The following SGCZ variants were observed in gnomAD, a reference collection of about 807,000 sequenced individuals.
The protein encoded by SGCZ is zeta-sarcoglycan.
In SGCZ, 40 loss-of-function variants were observed where a neutral mutation model predicts 41.3. The observed-to-expected ratio is 0.97, with a 90% CI of 0.75 to 1.26. The LOEUF (loss-of-function observed/expected upper bound fraction) is 1.26, where lower values mean the gene tolerates loss of function less well. SGCZ is among the 50% of genes most tolerant of loss of function. The probability of loss-of-function intolerance (pLI) is 0.00; values close to 1 mark genes in which losing one functional copy is unlikely to be tolerated. For synonymous variants in SGCZ, 206 were observed against 137.5 expected, an observed-to-expected ratio of 1.50 and a Z score of -3.49; for missense variants, 552 against 369.8, an observed-to-expected ratio of 1.49 and a Z score of -4.04.
At chr8:14,296,500 G>T (rs951174984) in intron 3 of SGCZ, among the ~76,000 whole-genome samples, 3 of 152,058 alleles carry the variant, frequency 2.0e-5, no homozygotes, top group Non-Finnish European at 4.4e-5. Flanking sequence ...ACAGCTATTT[G>T]TTTCTTTAAA....
chr8:14,841,055 C>CA (rs1221758288), intron 1 of SGCZ, among the ~76,000 whole-genome samples: 1 of 151,502 alleles, frequency 6.6e-6, no homozygotes, highest in Non-Finnish European at 1.5e-5. Flanking sequence ...AGTCTTGTAG[C>CA]AATAAAATGG....
At chr8:14,432,811 G>A (rs1799980754) in intron 2 of SGCZ, among the ~76,000 whole-genome samples, 1 of 150,740 alleles carries the variant, frequency 6.6e-6, no homozygotes, top group South Asian at 2.1e-4. Flanking sequence ...CTACTTGGGA[G>A]GCTGAGGCAG....
At chr8:14,126,987 G>C (rs1263127620) in intron 5 of SGCZ, among the ~76,000 whole-genome samples, 2 of 152,046 alleles carry the variant, frequency 1.3e-5, no homozygotes, top group East Asian at 3.9e-4. Context: ...GGGGGGTCAG[G>C]GGGAGGGAGA....
At chr8:14,743,570 A>C (rs1799258305) in intron 1 of SGCZ, among the ~76,000 whole-genome samples, 2 of 152,002 alleles carry the variant, frequency 1.3e-5, no homozygotes, top group Admixed American at 6.6e-5. Flanking sequence ...AAAATACTTA[A>C]GTTTACTTCA....
intron 2 of SGCZ, among the ~76,000 whole-genome samples, chr8:14,329,171 T>C (rs1475971990): frequency 6.6e-6 from 1 of 152,234 alleles, no homozygotes; most frequent in Non-Finnish European, 1.5e-5. Flanking sequence ...AGTGTCATTT[T>C]AGAAGGGGAT....
intron 1 of SGCZ, among the ~76,000 whole-genome samples, chr8:14,585,223 G>A (rs1017278210): frequency 6.6e-6 from 1 of 152,016 alleles, no homozygotes; most frequent in Non-Finnish European, 1.5e-5. Context: ...GCATTCTTCT[G>A]GTTCTCTAGT....
intron 2 of SGCZ, among the ~76,000 whole-genome samples, chr8:14,525,185 TA>T (rs1563385983): frequency 2.4e-4 from 22 of 93,594 alleles, no homozygotes; most frequent in Admixed American, 4.3e-4. Context: ...GATAGATAGA[TA>T]GATAGATAGA....
intron 4 of SGCZ, among the ~76,000 whole-genome samples, chr8:14,184,270 G>T (rs185487088): frequency 1.3e-5 from 2 of 152,026 alleles, no homozygotes; most frequent in Admixed American, 1.3e-4. Flanking sequence ...ATATCAGCAG[G>T]AGCTAAAATA....
At chr8:14,991,564 C>T (rs562483341) in intron 1 of SGCZ, among the ~76,000 whole-genome samples, 9 of 152,126 alleles carry the variant, frequency 5.9e-5, no homozygotes, top group African/African-American at 1.2e-4. Context: ...ATTATCAAAG[C>T]ACTTATGCCC....
intron 4 of SGCZ, among the ~76,000 whole-genome samples, chr8:14,175,634 C>T (rs1804520076): frequency 6.6e-6 from 1 of 151,768 alleles, no homozygotes; most frequent in Non-Finnish European, 1.5e-5. Context: ...TTTAAAAACA[C>T]TATTAATAAA....
chr8:15,229,287 T>C (rs1801874750), intron 1 of SGCZ, among the ~76,000 whole-genome samples: 1 of 152,178 alleles, frequency 6.6e-6, no homozygotes, highest in Non-Finnish European at 1.5e-5. Context: ...TAAGAGTATC[T>C]AAAAAGGATT....
intron 1 of SGCZ, among the ~76,000 whole-genome samples, chr8:14,883,778 T>TG (rs202111203): frequency 1.3e-3 from 136 of 106,346 alleles, no homozygotes; most frequent in African/African-American, 4.8e-3. Context: ...ATCCTGTTGT[T>TG]TTTTTTTTTT....
intron 1 of SGCZ, among the ~76,000 whole-genome samples, chr8:15,198,396 A>AGGG (rs1040467898): frequency 1.3e-5 from 2 of 152,010 alleles, no homozygotes; most frequent in African/African-American, 4.8e-5. Context: ...TAAATTTCAC[A>AGGG]GGGCCTTTAG....
At chr8:14,854,370 A>G (rs1168539128) in intron 1 of SGCZ, among the ~76,000 whole-genome samples, 7 of 151,972 alleles carry the variant, frequency 4.6e-5, no homozygotes, top group East Asian at 1.9e-4. Flanking sequence ...TCAAAAATAT[A>G]TAATTTGTAG....
chr8:14,469,837 G>A (rs1801163813), intron 2 of SGCZ, among the ~76,000 whole-genome samples: 1 of 152,100 alleles, frequency 6.6e-6, no homozygotes, highest in Non-Finnish European at 1.5e-5. Context: ...AACACATGGA[G>A]GTTCCTAGAG....
intron 1 of SGCZ, among the ~76,000 whole-genome samples, chr8:15,148,195 A>C (rs1348492330): frequency 6.6e-6 from 1 of 152,188 alleles, no homozygotes; most frequent in Non-Finnish European, 1.5e-5. Flanking sequence ...AGACACATTG[A>C]TGCCTTTTTA....
chr8:14,897,197 TTTAA>T (rs1183391001), intron 1 of SGCZ, among the ~76,000 whole-genome samples: 2 of 152,196 alleles, frequency 1.3e-5, no homozygotes, highest in East Asian at 1.9e-4. Flanking sequence ...GTAAAGGTAT[TTTAA>T]TTAATCTAAT....
intron 1 of SGCZ, among the ~76,000 whole-genome samples, chr8:14,895,640 G>C (rs1805169013): frequency 6.6e-6 from 1 of 152,056 alleles, no homozygotes; most frequent in African/African-American, 2.4e-5. Context: ...TAAAAGCCAA[G>C]GGACTTGCTT....
At chr8:14,949,125 G>A (rs573737631) in intron 1 of SGCZ, among the ~76,000 whole-genome samples, 2 of 151,998 alleles carry the variant, frequency 1.3e-5, no homozygotes, top group Non-Finnish European at 2.9e-5. Flanking sequence ...AGAAAATCAA[G>A]AATTAGCCTG....
Sources: allele counts gnomAD v4.1 joint callset (sites outside exome capture counted in the v4.1 genomes callset), GRCh38; gene constraint gnomAD v4.1.1; transcripts MANE v1.5; gene names NCBI Gene and HGNC (gene_info 2026-07-23, HGNC 2026-07-21).